Variants in TMEM132B observed in about 807,000 individuals in gnomAD.
The protein encoded by TMEM132B is transmembrane protein 132B.
TMEM132B carries 18 observed loss-of-function variants against 90.8 expected under a neutral mutation model. The observed-to-expected ratio is 0.20, with a 90% CI of 0.14 to 0.29. The LOEUF (loss-of-function observed/expected upper bound fraction) is 0.29, where lower values mean the gene tolerates loss of function less well. Ranked by LOEUF, TMEM132B falls within the 10% of genes least tolerant of loss-of-function variation. TMEM132B has a pLI of 1.00. For missense variants in TMEM132B, 1,096 were observed against 1,326.8 expected (o/e 0.83, Z 2.70); for synonymous variants, 504 against 523.3 (o/e 0.96, Z 0.50).
intron 3 of TMEM132B, among the ~76,000 whole-genome samples, chr12:125,436,051 G>A (rs764808248): frequency 4.6e-5 from 7 of 152,074 alleles, no homozygotes; most frequent in Admixed American, 3.9e-4. Context: ...CTTCTGTTCC[G>A]AGGCAAAGCA....
At chr12:125,309,446 C>A (rs1448645330) in intron 1 of TMEM132B, among the ~76,000 whole-genome samples, 1 of 152,108 alleles carries the variant, frequency 6.6e-6, no homozygotes, top group Non-Finnish European at 1.5e-5. Context: ...TTATTTGGTT[C>A]TTTTTGTATC....
intron 1 of TMEM132B, among the ~76,000 whole-genome samples, chr12:125,206,336 T>C (rs1873185468): frequency 6.6e-6 from 1 of 150,498 alleles, no homozygotes; most frequent in South Asian, 2.1e-4. Flanking sequence ...CCTCCCGGGT[T>C]CACATGATTC....
chr12:125,434,241 C>T (rs1280858334), intron 3 of TMEM132B, among the ~76,000 whole-genome samples: 1 of 152,168 alleles, frequency 6.6e-6, no homozygotes, highest in Middle Eastern at 3.2e-3. Context: ...ACGCTCCTGT[C>T]CCCCTCTAGT....
intron 3 of TMEM132B, among the ~76,000 whole-genome samples, chr12:125,450,807 T>C (rs2136448658): frequency 6.6e-6 from 1 of 152,328 alleles, no homozygotes; most frequent in East Asian, 1.9e-4. Flanking sequence ...GAAATTAATA[T>C]CACCAATGAG....
At chr12:125,574,993 C>T (rs1884900861) in intron 4 of TMEM132B, among the ~76,000 whole-genome samples, 1 of 140,128 alleles carries the variant, frequency 7.1e-6, no homozygotes, top group African/African-American at 2.6e-5. Flanking sequence ...GGTTGGCAAC[C>T]ATCAACACTA....
At chr12:125,351,407 G>A (rs1042800454) in intron 2 of TMEM132B, among the ~76,000 whole-genome samples, 1 of 152,168 alleles carries the variant, frequency 6.6e-6, no homozygotes, top group African/African-American at 2.4e-5. Context: ...GTTGCAGTGG[G>A]CAGAAAATTT....
At chr12:125,207,908 A>T (rs1489471528) in intron 1 of TMEM132B, among the ~76,000 whole-genome samples, 4 of 152,212 alleles carry the variant, frequency 2.6e-5, no homozygotes, top group African/African-American at 9.6e-5. Context: ...TCCCTTTTTA[A>T]GACTGAATAA....
chr12:125,200,409 C>T (rs571530046), intron 1 of TMEM132B, among the ~76,000 whole-genome samples: 16 of 152,044 alleles, frequency 1.1e-4, no homozygotes, highest in African/African-American at 3.6e-4. Context: ...ATACATATAC[C>T]CCTTGTCTCT....
At position 125,321,071 on chromosome 12, in the gene TMEM132B, G is replaced by A. The variant is rs575674760; in HGVS notation, c.68-28381G>A. 3.3e-5 allele frequency among the ~76,000 whole-genome samples: 5 copies of A among 152,340 alleles called. No individual in the cohort carries two copies. The South Asian group carries it at 1.0e-3, about 32-fold the overall frequency. ...AAGGTGCTACTGAGATTCAGCGTAT[G>A]CATTGGTCTTGCCTGTCTAAATCAG... On this transcript the variant is annotated intron_variant, in intron 1 of 8. Transcript: ENST00000682704.
chr12:125,237,925 C>T (rs4600269), intron 1 of TMEM132B, among the ~76,000 whole-genome samples: 37,077 of 151,974 alleles, frequency 0.24, 5,816 homozygotes, highest in East Asian at 0.44. Context: ...TGGCCTCCTC[C>T]GCTGGTTCCT....
At chr12:125,614,209 G>A (rs947744425) in intron 5 of TMEM132B, among the ~76,000 whole-genome samples, 3 of 152,088 alleles carry the variant, frequency 2.0e-5, no homozygotes, top group African/African-American at 7.2e-5. Context: ...GACATGGAGT[G>A]TGGATCCTGT....
chr12:125,396,018 G>A (rs908213880), intron 2 of TMEM132B, among the ~76,000 whole-genome samples: 1 of 152,172 alleles, frequency 6.6e-6, no homozygotes, highest in African/African-American at 2.4e-5. Flanking sequence ...GTTCCTCCTT[G>A]GACCAATCAC....
At chr12:125,548,721 C>T (rs76483300) in intron 4 of TMEM132B, among the ~76,000 whole-genome samples, 2,977 of 152,178 alleles carry the variant, frequency 0.02, 48 homozygotes, top group South Asian at 0.034. Context: ...TGGGAAGTCA[C>T]GGGAGGGTTT....
intron 3 of TMEM132B, among the ~76,000 whole-genome samples, chr12:125,518,882 C>T (rs539167654): frequency 2.6e-4 from 39 of 152,284 alleles, no homozygotes; most frequent in African/African-American, 9.1e-4. Flanking sequence ...TAGTAAACCA[C>T]GTAGTGTGTG....
At chr12:125,345,787 C>T (rs1456231571) in intron 1 of TMEM132B, among the ~76,000 whole-genome samples, 2 of 152,160 alleles carry the variant, frequency 1.3e-5, no homozygotes, top group Non-Finnish European at 2.9e-5. Context: ...TCTCAGGGCC[C>T]ACCTCGTTCT....
chr12:125,256,403 T>C (rs375518227), intron 1 of TMEM132B, among the ~76,000 whole-genome samples: 9 of 152,208 alleles, frequency 5.9e-5, no homozygotes, highest in South Asian at 2.1e-4. Flanking sequence ...GGTGCTTGCG[T>C]TGGAAGGCAA....
chr12:125,603,352 A>G (rs938431392), intron 5 of TMEM132B, among the ~76,000 whole-genome samples: 2 of 152,210 alleles, frequency 1.3e-5, no homozygotes, highest in African/African-American at 4.8e-5. Flanking sequence ...CAATGGGGAA[A>G]GGATTCCCCA....
At chr12:125,222,176 G>A (rs183388313) in intron 1 of TMEM132B, among the ~76,000 whole-genome samples, 12 of 152,320 alleles carry the variant, frequency 7.9e-5, no homozygotes, top group Non-Finnish European at 2.9e-5. Flanking sequence ...AGCAGTGGGT[G>A]TTTGTGACTC....
intron 5 of TMEM132B, among the ~76,000 whole-genome samples, chr12:125,599,682 T>G (rs1030359036): frequency 6.6e-5 from 10 of 152,254 alleles, no homozygotes; most frequent in African/African-American, 2.4e-4. Context: ...GCAGGAGTTT[T>G]TGTTTTAGAT....
Sources: allele counts gnomAD v4.1 joint callset (sites outside exome capture counted in the v4.1 genomes callset), GRCh38; gene constraint gnomAD v4.1.1; transcripts MANE v1.5; gene names NCBI Gene and HGNC (gene_info 2026-07-23, HGNC 2026-07-21).